The following GRM7 variants were observed in gnomAD, a reference collection of about 807,000 sequenced individuals.
GRM7 encodes the protein glutamate metabotropic receptor 7.
GRM7 carries 35 observed loss-of-function variants against 84.5 expected under a neutral mutation model. That is an observed-to-expected ratio of 0.41 (90% CI 0.32 to 0.55). GRM7 has a LOEUF of 0.55. Among genes scored for constraint, GRM7 ranks in the 20% least tolerant of loss-of-function variants. The pLI, the probability that GRM7 is intolerant of heterozygous loss-of-function variation, is 0.19. For missense variants in GRM7, 1,003 were observed against 1,194.6 expected (o/e 0.84, Z 2.36); for synonymous variants, 487 against 455.1 (o/e 1.07, Z -0.89).
intron 3 of GRM7, among the ~76,000 whole-genome samples, chr3:7,304,203 A>G (rs377746950): frequency 1.3e-5 from 2 of 151,876 alleles, no homozygotes; most frequent in African/African-American, 4.8e-5. Context: ...CTGAACAAAT[A>G]TGCAAGTTCT....
intron 2 of GRM7, among the ~76,000 whole-genome samples, chr3:7,209,974 A>G (rs1696367846): frequency 6.6e-6 from 1 of 152,216 alleles, no homozygotes; most frequent in South Asian, 2.1e-4. Context: ...TAAAACATTT[A>G]AGCAAGATTG....
intron 7 of GRM7, among the ~76,000 whole-genome samples, chr3:7,492,087 T>C (rs1312023812): frequency 6.6e-6 from 1 of 152,198 alleles, no homozygotes; most frequent in African/African-American, 2.4e-5. Flanking sequence ...ATAATTCTCT[T>C]TATATATTGT....
intron 7 of GRM7, among the ~76,000 whole-genome samples, chr3:7,538,012 C>T (rs909445079): frequency 1.3e-5 from 2 of 152,148 alleles, no homozygotes; most frequent in African/African-American, 4.8e-5. Context: ...CAGCAGTATC[C>T]AAAATTTAAC....
intron 9 of GRM7, among the ~76,000 whole-genome samples, chr3:7,697,002 C>T (rs1701047062): frequency 6.6e-6 from 1 of 152,066 alleles, no homozygotes; most frequent in South Asian, 2.1e-4. Context: ...AAAGATAAAC[C>T]TCCCTCAGCA....
In GRM7 at chr3:6,862,696, A is replaced by C; in HGVS notation, c.519+789A>C. On this transcript the variant is annotated intron_variant, in intron 1 of 9. Coordinates refer to ENST00000357716, the MANE Select transcript of GRM7 (RefSeq NM_000844.4). This position sits in a 1 kb window ranked among gnomAD's most constrained non-coding sequence, Gnocchi z 5.2. Reference sequence around the variant, plus strand: ...CCAGGGATGAGCTCACGCGAAACGAAATCGCTCTCCCTGCCTCCTCCCTCC... The same window carrying C: ...CCAGGGATGAGCTCACGCGAAACGACATCGCTCTCCCTGCCTCCTCCCTCC... 4.0e-6 allele frequency: 1 copy of C among 249,106 alleles called. No homozygotes were observed. The highest frequency in any genetic ancestry group is 3.0e-5 in the South Asian group (1 of 33,550). 15.4% of individuals were successfully genotyped at this position (249,106 alleles called of 1,614,324 possible).
chr3:7,478,302 C>T (rs1036209034), intron 7 of GRM7, among the ~76,000 whole-genome samples: 1 of 152,126 alleles, frequency 6.6e-6, no homozygotes, highest in Non-Finnish European at 1.5e-5. Context: ...AAATCTTTCC[C>T]ACTGAGCGCT....
At chr3:7,519,621 T>G (rs1187992540) in intron 7 of GRM7, 1 of 152,220 alleles carries the variant, frequency 6.6e-6, no homozygotes, top group Non-Finnish European at 1.5e-5. Flanking sequence ...GATCTCAAAA[T>G]AGATTTATAT....
chr3:7,532,673 TG>T (rs1701084352), intron 7 of GRM7, among the ~76,000 whole-genome samples: 1 of 151,866 alleles, frequency 6.6e-6, no homozygotes, highest in Non-Finnish European at 1.5e-5. Context: ...CTTTTGAATT[TG>T]TTTGCTCTTG....
At chr3:7,428,240 C>G (rs76323888) in intron 5 of GRM7, among the ~76,000 whole-genome samples, 419 of 152,134 alleles carry the variant, frequency 2.8e-3, no homozygotes, top group Non-Finnish European at 5.1e-3. Flanking sequence ...ATTTTGTTAT[C>G]CAAGTGTAGG....
At chr3:7,337,840 T>C (rs956015901) in intron 4 of GRM7, among the ~76,000 whole-genome samples, 2 of 151,900 alleles carry the variant, frequency 1.3e-5, no homozygotes, top group African/African-American at 4.8e-5. Flanking sequence ...TATAGAAAAC[T>C]GTATGGAGAT....
chr3:7,290,185 G>A (rs1228861453), intron 2 of GRM7, among the ~76,000 whole-genome samples: 3 of 152,100 alleles, frequency 2.0e-5, no homozygotes, highest in Non-Finnish European at 2.9e-5. Context: ...AACTCACAAA[G>A]TATCAACACA....
At chr3:7,061,164 C>G (rs76814055) in intron 1 of GRM7, among the ~76,000 whole-genome samples, 2,982 of 151,828 alleles carry the variant, frequency 0.02, 107 homozygotes, top group African/African-American at 0.069. Flanking sequence ...GATAAATCTC[C>G]ATAAGGCTGT....
At chr3:6,943,232 A>T (rs994911898) in intron 1 of GRM7, among the ~76,000 whole-genome samples, 1 of 151,470 alleles carries the variant, frequency 6.6e-6, no homozygotes, top group African/African-American at 2.4e-5. Flanking sequence ...ATTTATATAT[A>T]TTTTTTCTTT....
chr3:6,867,013 A>G (rs971826071), intron 1 of GRM7, among the ~76,000 whole-genome samples: 1 of 152,214 alleles, frequency 6.6e-6, no homozygotes, highest in African/African-American at 2.4e-5. Flanking sequence ...CATATAGTCA[A>G]GTAGATGTGA....
At chr3:7,117,711 T>C (rs1048686612) in intron 1 of GRM7, among the ~76,000 whole-genome samples, 1 of 152,186 alleles carries the variant, frequency 6.6e-6, no homozygotes, top group African/African-American at 2.4e-5. Flanking sequence ...AATGCTACCC[T>C]TATGGGCCAT....
chr3:7,463,784 G>C (rs1698349889), intron 7 of GRM7, among the ~76,000 whole-genome samples: 1 of 152,098 alleles, frequency 6.6e-6, no homozygotes, highest in Admixed American at 6.5e-5. Context: ...TGGAGCAATA[G>C]GTAAGAGCCA....
chr3:7,667,449 C>T (rs1383559130), intron 8 of GRM7, among the ~76,000 whole-genome samples: 1 of 152,016 alleles, frequency 6.6e-6, no homozygotes, highest in African/African-American at 2.4e-5. Flanking sequence ...CTGCTCCAAC[C>T]ACCAACACAC....
At chr3:7,207,265 G>A (rs1245320289) in intron 2 of GRM7, among the ~76,000 whole-genome samples, 10 of 152,234 alleles carry the variant, frequency 6.6e-5, no homozygotes, top group African/African-American at 9.6e-5. Flanking sequence ...AAATATACTC[G>A]TGCCTGCATC....
chr3:7,297,057 C>G (rs1699840204), intron 2 of GRM7, among the ~76,000 whole-genome samples: 1 of 151,810 alleles, frequency 6.6e-6, no homozygotes, highest in African/African-American at 2.4e-5. Context: ...TTGGTATTTA[C>G]TCAGTAATTT....
Sources: gnomAD v4.1 joint callset for allele counts (sites outside exome capture counted in the v4.1 genomes callset) on GRCh38, gnomAD v4.1.1 for gene constraint, Gnocchi (gnomAD v3.1) non-coding constraint, MANE v1.5 for transcripts, NCBI Gene and HGNC (gene_info 2026-07-23, HGNC 2026-07-21) for gene names.